ADAM28: variants seen among roughly 807,000 people sequenced by gnomAD.
The protein encoded by ADAM28 is disintegrin and metalloproteinase domain-containing protein 28.
Under a neutral mutation model 101.2 loss-of-function variants are expected in ADAM28, and 105 were observed. The observed-to-expected ratio is 1.04, with a 90% CI of 0.89 to 1.22. The LOEUF (loss-of-function observed/expected upper bound fraction) is 1.22. Among genes scored for constraint, ADAM28 ranks in the 50% most tolerant of loss-of-function variants. The pLI is 0.00. For missense variants in ADAM28, 1,028 were observed against 945.4 expected (o/e 1.09, Z -1.15); for synonymous variants, 322 against 310.6 (o/e 1.04, Z -0.39).
intron 2 of ADAM28, among the ~76,000 whole-genome samples, chr8:24,303,972 A>C (rs1809191991): frequency 6.6e-6 from 1 of 151,896 alleles, no homozygotes; most frequent in Non-Finnish European, 1.5e-5. Flanking sequence ...TACACTAATT[A>C]TCTACTCTTT....
At chr8:24,318,015 T>C (rs1456294637) in intron 6 of ADAM28, among the ~76,000 whole-genome samples, 1 of 152,058 alleles carries the variant, frequency 6.6e-6, no homozygotes, top group Non-Finnish European at 1.5e-5. Flanking sequence ...AGCAATTCCA[T>C]GCTGGTCGTT....
At chr8:24,340,751 AAT>A (rs1320682214) in intron 15 of ADAM28, 1 of 152,172 alleles carries the variant, frequency 6.6e-6, no homozygotes, top group Non-Finnish European at 1.5e-5. Context: ...ATTTTGAGAG[AAT>A]ATATGCCTTT....
At chr8:24,313,074 T>C (rs976474462) in intron 5 of ADAM28, among the ~76,000 whole-genome samples, 1 of 152,190 alleles carries the variant, frequency 6.6e-6, no homozygotes, top group African/African-American at 2.4e-5. Context: ...AGAACAAGTA[T>C]AGCATTAAAA....
chr8:24,295,033 G>A (rs1328632022), intron 1 of ADAM28, among the ~76,000 whole-genome samples: 2 of 152,118 alleles, frequency 1.3e-5, no homozygotes, highest in Non-Finnish European at 2.9e-5. Context: ...TGGGACCTGG[G>A]GATGGGAACA....
intron 15 of ADAM28, among the ~76,000 whole-genome samples, chr8:24,340,613 C>G (rs374998260): frequency 1.6e-4 from 25 of 152,154 alleles, no homozygotes; most frequent in African/African-American, 6.0e-4. Context: ...TCCTTCACCC[C>G]ACAAACTACC....
At chr8:24,301,795 A>G (rs1271422118) in intron 2 of ADAM28, among the ~76,000 whole-genome samples, 1 of 152,198 alleles carries the variant, frequency 6.6e-6, no homozygotes, top group African/African-American at 2.4e-5. Context: ...CTTTCTGGCC[A>G]TTAAGGTAGC....
chr8:24,351,945 G>T (rs1354860866), intron 20 of ADAM28, 42 bp from the exon 21 acceptor site: 1 of 1,603,410 alleles, frequency 6.2e-7, no homozygotes, highest in Non-Finnish European at 8.5e-7. Flanking sequence ...CTGTGCTTAT[G>T]AAACTAATGG....
intron 5 of ADAM28, 119 bp from the exon 6 acceptor site, chr8:24,313,269 C>G (rs1585565332): frequency 1.1e-6 from 1 of 900,566 alleles, no homozygotes. Context: ...TTGCCATGAG[C>G]TTAAATTGTT....
intron 2 of ADAM28, among the ~76,000 whole-genome samples, chr8:24,307,693 G>A (rs1809882550): frequency 6.6e-6 from 1 of 152,158 alleles, no homozygotes; most frequent in Non-Finnish European, 1.5e-5. Context: ...CTCTGTGAAA[G>A]TCCCTGATGC....
chr8:24,326,702 A>C (rs902183709), intron 10 of ADAM28, 67 bp downstream of exon 10: 13 of 1,448,632 alleles, frequency 9.0e-6, no homozygotes, highest in Non-Finnish European at 1.2e-5. Flanking sequence ...AAAAATCTAT[A>C]GAGAAGATCA....
intron 5 of ADAM28, 91 bp downstream of exon 5, chr8:24,311,528 T>A: frequency 1.0e-6 from 1 of 968,722 alleles, no homozygotes; most frequent in East Asian, 2.7e-5. Flanking sequence ...TATCATTAAT[T>A]TTTATATAGT....
intron 13 of ADAM28, among the ~76,000 whole-genome samples, chr8:24,333,602 G>C (rs184755881): frequency 6.6e-6 from 1 of 152,186 alleles, no homozygotes; most frequent in Admixed American, 6.5e-5. Context: ...ACTCCTACCT[G>C]CTGCTGTTTC....
intron 5 of ADAM28, among the ~76,000 whole-genome samples, chr8:24,312,410 A>C (rs1432379976): frequency 6.6e-6 from 1 of 152,024 alleles, no homozygotes; most frequent in Non-Finnish European, 1.5e-5. Flanking sequence ...TCCCTTACCA[A>C]GTCTTATTGA....
chr8:24,320,419 C>T, intron 7 of ADAM28, 112 bp downstream of exon 7: 1 of 747,168 alleles, frequency 1.3e-6, no homozygotes, highest in Non-Finnish European at 2.2e-6. Flanking sequence ...TGAATATGAG[C>T]TATGGTTACA....
intron 22 of ADAM28, 24 bp downstream of exon 22, chr8:24,353,856 T>C (rs1816463301): frequency 1.4e-6 from 2 of 1,445,348 alleles, no homozygotes; most frequent in East Asian, 4.6e-5. Context: ...AGCCAAATTA[T>C]TATATTCTTG....
intron 6 of ADAM28, 42 bp from the exon 7 acceptor site, chr8:24,320,194 G>C (rs758386248): frequency 2.8e-6 from 4 of 1,416,200 alleles, no homozygotes; most frequent in Non-Finnish European, 3.9e-6. Context: ...AACTTTTGCA[G>C]AAAACAATAT....
rs773632734 is a variant in ADAM28, at chr8:24,330,126, C to G, written c.1103+11C>G. On this transcript the variant is annotated intron_variant, in intron 11 of 22. Coordinates refer to ENST00000265769, the MANE Select transcript of ADAM28 (RefSeq NM_014265.6). ...GGACAAAGCACTGAGGTGAGGCTCTCTGGGCCCTGGGGACATGCTATGTAG... is the reference window on the plus strand; with the variant it reads ...GGACAAAGCACTGAGGTGAGGCTCTGTGGGCCCTGGGGACATGCTATGTAG... 1.2e-6 allele frequency: 2 copies of G among 1,610,928 alleles called. No homozygotes were observed. Among genetic ancestry groups the G allele is most frequent in the South Asian group, 2.2e-5 (2 of 90,796 alleles).
At position 24,349,905 on chromosome 8, in the gene ADAM28, A is replaced by G. The variant is rs747407540; in HGVS notation, c.2032A>G (p.Ile678Val). ...VVGVLFPMAV[I>V]FVVVAMVIRH... ...TGGGGTGCTGTTCCCAATGGCGGTC[A>G]TTTTTGTGGTGGTTGCTATGGTAAT... Residue 678 changes from isoleucine (I) to valine (V), a missense_variant, in exon 19 of 23, where the codon ATT becomes GTT. Physicochemically the swap from Ile to Val is conservative, Grantham distance 29. Transcript: ENST00000265769. 306 of 1,613,582 alleles carry G rather than the reference A, an allele frequency of 1.9e-4. No homozygotes were observed. Among genetic ancestry groups the G allele is most frequent in the Non-Finnish European group, 2.4e-4 (286 of 1,179,796 alleles).
At chr8:24,354,102 C>A (rs1816493792) in intron 22 of ADAM28, among the ~76,000 whole-genome samples, 1 of 151,894 alleles carries the variant, frequency 6.6e-6, no homozygotes, top group Non-Finnish European at 1.5e-5. Flanking sequence ...AAGAAACCTC[C>A]CATAGAATAA....
Sources: allele counts gnomAD v4.1 joint callset (sites outside exome capture counted in the v4.1 genomes callset), GRCh38; gene constraint gnomAD v4.1.1; transcripts MANE v1.5; gene names NCBI Gene and HGNC (gene_info 2026-07-23, HGNC 2026-07-21).